The following TTN variants were observed in gnomAD, a reference collection of about 807,000 sequenced individuals.
The protein encoded by TTN is connectin.
TTN carries 1,525 observed loss-of-function variants against 3,223.0 expected under a neutral mutation model. The observed-to-expected ratio is 0.47, with a 90% CI of 0.45 to 0.49. The LOEUF is 0.49. Among genes scored for constraint, TTN ranks in the 20% least tolerant of loss-of-function variants. The pLI, the probability that TTN is intolerant of heterozygous loss-of-function variation, is 0.00. For missense variants in TTN, 40,786 were observed against 43,424.0 expected (o/e 0.94, Z 5.40); for synonymous variants, 14,094 against 15,161.0 (o/e 0.93, Z 5.17).
At position 178,779,266 on chromosome 2, in the gene TTN, G is replaced by T. The variant is rs878985727; in HGVS notation, c.3926C>A (p.Thr1309Asn). ...NYRILEGMGV[T>N]FHCKMSGYPL... ...ATATCCAGACATCTTGCAATGAAAA[G>T]TGACACCCATCCCCTCAAGAATTCT... Residue 1309 changes from threonine to asparagine, a missense_variant, in exon 23 of 363, where the codon ACT (threonine) becomes AAT (asparagine). Physicochemically the swap from Thr to Asn is moderately conservative, Grantham distance 65 (BLOSUM62 0). Transcript: ENST00000589042. 6.2e-7 allele frequency: 1 copy of T among 1,613,820 alleles called. No homozygotes were observed. Among genetic ancestry groups the T allele is most frequent in the Non-Finnish European group, 8.5e-7 (1 of 1,179,838 alleles).
chr2:178,645,142 C>T (rs907109856), intron 217 of TTN: 1 of 151,996 alleles, frequency 6.6e-6, no homozygotes, highest in Non-Finnish European at 1.5e-5. Flanking sequence ...CGTCACAAGA[C>T]AACTTTTTAT....
rs369081503 is a variant in TTN at position 178,569,066 on chromosome 2, G to T, written c.77066C>A (p.Thr25689Asn). ...NEYGIGLPAQ[T>N]ADPIKVAEVP... ...TTCTGCAACCTTAATTGGATCAGCA[G>T]TCTGGGCAGGAAGGCCAATACCATA... Residue 25689 changes from threonine (T) to asparagine (N), a missense_variant, in exon 326 of 363, where the codon ACT (threonine) becomes AAT (asparagine). Transcript: ENST00000589042. 9.3e-6 allele frequency: 15 copies of T among 1,613,330 alleles called. No homozygotes were observed. Among genetic ancestry groups the T allele is most frequent in the Non-Finnish European group, 1.1e-5 (13 of 1,179,542 alleles).
rs753356474 is a variant in TTN at position 178,770,608 on chromosome 2, G to A, written c.8184C>T (p.Val2728=). The change falls in exon 35 of 363, where the codon GTC becomes GTT. Residue 2728 remains valine (V), a synonymous_variant. Transcript: ENST00000589042. ...CTTTGACATTAGGGTGTGTAAGCTC[G>A]ACAGTGAAAACAGCATCCTGTGTTT... ...VTETQDAVFT[V]ELTHPNVKGV... is the part of the protein sequence containing the mutation. 3.5e-5 allele frequency: 57 copies of A among 1,613,982 alleles called. No homozygotes were observed. In the Admixed American group the frequency reaches 4.5e-4, roughly 13 times the overall value.
At position 178,560,929 on chromosome 2, in the gene TTN, T is replaced by C. The variant is rs72648223; in HGVS notation, c.85203A>G (p.Arg28401=). The part of the protein sequence containing the change: ...WAKDGIEIEE[R]ARTEIISTDN... ...CTGTTGAGATGATTTCTGTTCTTGC[T>C]CTTTCTTCAATTTCTATACCATCCT... Residue 28401 remains arginine (R), a synonymous_variant, in exon 326 of 363, where the codon AGA becomes AGG. Coordinates refer to ENST00000589042, the MANE Select transcript of TTN (RefSeq NM_001267550.2). 3 of 1,613,870 alleles carry C rather than the reference T, an allele frequency of 1.9e-6. No homozygotes were observed. Among genetic ancestry groups the C allele is most frequent in the Non-Finnish European group, 8.5e-7 (1 of 1,179,840 alleles).
rs115150240 is a variant in TTN, at chr2:178,532,201, C to G, written c.104414G>C (p.Arg34805Pro). The change falls in exon 358 of 363, where the codon CGA (arginine) becomes CCA (proline). Residue 34805 changes from arginine to proline, a missense_variant. Arg to Pro is a moderately radical substitution (Grantham distance 103). Transcript: ENST00000589042. ...TGTTATTTCTGTCACTTCTCTTTGTCGCCTTGATTTCTTTCTAGACTTTTC... is the reference window on the plus strand; with the variant it reads ...TGTTATTTCTGTCACTTCTCTTTGTGGCCTTGATTTCTTTCTAGACTTTTC... ...KEEKSRKKSR[R>P]QREVTEITEI... 44 of 1,613,520 alleles carry G rather than the reference C, an allele frequency of 2.7e-5. No individual in the cohort carries two copies. The highest frequency in any genetic ancestry group is 3.6e-5 in the Non-Finnish European group (43 of 1,179,858).
rs759563590 is a variant in TTN at position 178,599,379 on chromosome 2, G to C, written c.56414C>G (p.Ser18805Cys). 6.3e-7 allele frequency: 1 copy of C among 1,595,660 alleles called. No individual in the cohort carries two copies. Among genetic ancestry groups the C allele is most frequent in the Non-Finnish European group, 8.5e-7 (1 of 1,173,316 alleles). The change falls in exon 290 of 363, where the codon TCT becomes TGT. Residue 18805 changes from serine (S) to cysteine (C), a missense_variant. Coordinates refer to ENST00000589042, the MANE Select transcript of TTN (RefSeq NM_001267550.2). Reference sequence around the variant, plus strand: ...ACCATCATCTTTAGGTGGAAACCAAGATAGTGTCATTTGATCTGCTGAAAC... The same window carrying C: ...ACCATCATCTTTAGGTGGAAACCAACATAGTGTCATTTGATCTGCTGAAAC... Reference protein sequence around the residue: ...ESVSADQMTLSWFPPKDDGGS... With the variant: ...ESVSADQMTLCWFPPKDDGGS...
rs1017257183 is a variant in TTN at position 178,634,171 on chromosome 2, T to A, written c.42416-88A>T. 114 of 1,543,298 alleles carry A rather than the reference T, an allele frequency of 7.4e-5. No individual in the cohort carries two copies. The highest frequency in any genetic ancestry group is 9.7e-5 in the Non-Finnish European group (112 of 1,149,858). On this transcript the variant is annotated intron_variant, in intron 230 of 362. Transcript: ENST00000589042. This position sits in a 1 kb window ranked among gnomAD's most constrained non-coding sequence, Gnocchi z 4.6. The stretch of plus-strand genomic sequence containing the variant: ...AATCTGCCTGAGTAAAAGGGACCCA[T>A]TTCACATGGCACTTATTTATTCATC...
chr2:178,712,856 T>C lies in TTN; in HGVS notation c.27169A>G (p.Ser9057Gly), dbSNP rs1472858886. The C allele has an allele frequency of 4.3e-6, 7 of 1,613,800 alleles. No homozygotes were observed. The highest frequency in any genetic ancestry group is 5.9e-6 in the Non-Finnish European group (7 of 1,179,770). ...PFSVSWFKGSSELVPGDRCNV... is the reference protein window; with the variant it reads ...PFSVSWFKGSGELVPGDRCNV... ...CATCTGTCACCTGGTACTAGTTCAC[T>C]GCTACCTTTGAACCAGCTAACACTG... The change falls in exon 94 of 363, where the codon AGT becomes GGT. Residue 9057 changes from serine (S) to glycine (G), a missense_variant. Ser to Gly is a moderately conservative substitution (Grantham distance 56). Transcript: ENST00000589042.
intron 113 of TTN, 120 bp from the exon 114 acceptor site, chr2:178,696,389 T>G (rs910601720): frequency 2.6e-5 from 23 of 894,178 alleles, no homozygotes; most frequent in Non-Finnish European, 3.1e-5. Flanking sequence ...GATAATTTGT[T>G]TTTTTTTTTT....
intron 206 of TTN, 24 bp downstream of exon 206, chr2:178,651,642 G>A (rs1204259795): frequency 1.9e-6 from 3 of 1,612,608 alleles, no homozygotes; most frequent in South Asian, 1.1e-5. Flanking sequence ...TTTTTGTTAG[G>A]GAGTTAGTGG....
chr2:178,783,021 A>C lies in TTN; in HGVS notation c.2885T>G (p.Leu962Trp). The C allele has an allele frequency of 6.2e-7, 1 of 1,614,136 alleles. No homozygotes were observed. ...VTVIEGESVT[L>W]ECHISGYPSP... ...TGGGTATCCAGAGATGTGGCACTCC[A>C]AGGTGACAGATTCACCTTCTATGAC... The change falls in exon 18 of 363, where the codon TTG (leucine) becomes TGG (tryptophan). Residue 962 changes from leucine (L) to tryptophan (W), a missense_variant. By Grantham distance (61) the Leu-to-Trp change is moderately conservative. Coordinates refer to ENST00000589042, the MANE Select transcript of TTN (RefSeq NM_001267550.2).
Position 178,532,325 on chromosome 2 carries a change from T to C in TTN, c.104290A>G (p.Ile34764Val), listed in dbSNP as rs373422596. 2.5e-6 allele frequency: 4 copies of C among 1,613,904 alleles called. No homozygotes were observed. The African/African-American group carries it at 5.3e-5, about 22-fold the overall frequency. The part of the protein sequence containing the change: ...AYRQPKQRQR[I>V]MAEREDEELL... Reference sequence around the variant, plus strand: ...TCTTCATCCTCCCTCTCAGCCATGATTCTTTGCCGTTGCTTTGGCTGTCTG... The same window carrying C: ...TCTTCATCCTCCCTCTCAGCCATGACTCTTTGCCGTTGCTTTGGCTGTCTG... The change falls in exon 358 of 363, where the codon ATC becomes GTC. Residue 34764 changes from isoleucine (I) to valine (V), a missense_variant. Physicochemically the swap from Ile to Val is conservative, Grantham distance 29. Coordinates refer to ENST00000589042, the MANE Select transcript of TTN (RefSeq NM_001267550.2).
At chr2:178,694,928 T>C (rs556170248) in intron 115 of TTN, 22 bp from the exon 116 acceptor site, 3 of 1,498,232 alleles carry the variant, frequency 2.0e-6, no homozygotes, top group African/African-American at 2.8e-5. Context: ...TTAGAGAAAT[T>C]GCAGTACTTT....
Position 178,565,190 on chromosome 2 carries a change from C to T in TTN, c.80942G>A (p.Arg26981Gln), listed in dbSNP as rs768308408. The T allele has an allele frequency of 9.5e-5, 153 of 1,613,370 alleles. No homozygotes were observed. The highest frequency in any genetic ancestry group is 2.1e-4 in the South Asian group (19 of 91,036). Residue 26981 changes from arginine (R) to glutamine (Q), a missense_variant, in exon 326 of 363, where the codon CGG becomes CAG. Transcript: ENST00000589042. Reference protein sequence around the residue: ...EKPGPPVGPVRFDEVSADFVV... With the variant: ...EKPGPPVGPVQFDEVSADFVV... ...AAAGTCTGCACTAACTTCATCAAAC[C>T]GAACTGGGCCAACTGGAGGTCCAGG...
rs557060548 is a variant in TTN, at chr2:178,534,775, T to G, written c.101840A>C (p.Tyr33947Ser). 2 of 1,613,302 alleles carry G rather than the reference T, an allele frequency of 1.2e-6. No homozygotes were observed. Among genetic ancestry groups the G allele is most frequent in the Non-Finnish European group, 8.5e-7 (1 of 1,179,790 alleles). Reference protein sequence around the residue: ...HFDIRPENIIYQTRRSSTIKI... With the variant: ...HFDIRPENIISQTRRSSTIKI... ...AATGGTAGAGCTTCTTCTGGTTTGG[T>G]AAATGATATTTTCTGGTCTAATGTC... The change falls in exon 358 of 363, where the codon TAC (tyrosine) becomes TCC (serine). Residue 33947 changes from tyrosine to serine, a missense_variant. Tyr to Ser is a moderately radical substitution (Grantham distance 144). Transcript: ENST00000589042.
rs56027402 is a variant in TTN, at chr2:178,542,910, G to A, written c.96944C>T (p.Thr32315Ile). Residue 32315 changes from threonine to isoleucine, a missense_variant, in exon 348 of 363, where the codon ACC becomes ATC. By Grantham distance (89) the Thr-to-Ile change is moderately conservative (BLOSUM62 -1). Transcript: ENST00000589042. The part of the protein sequence containing the change: ...TIDLSTMPQK[T>I]IHVPAGRPVE... ...TGGTCTGCCAGCTGGGACATGGATG[G>A]TCTTCTGAGGCATTGTAGAAAGATC... 3.4e-3 allele frequency: 5,493 copies of A among 1,612,002 alleles called. 178 individuals carry two copies. The African/African-American group carries it at 0.065, about 19-fold the overall frequency.
chr2:178,718,230 C>A lies in TTN; in HGVS notation c.24785-9G>T, dbSNP rs774804285. On this transcript the variant is annotated splice_polypyrimidine_tract_variant and intron_variant, in intron 85 of 362. Coordinates refer to ENST00000589042, the MANE Select transcript of TTN (RefSeq NM_001267550.2). ...AATAAAGTACGGTGGTTCTATGGTA[C>A]AAAGGATGGTAGTCAGCAAGTCAGT... 1 of 1,594,760 alleles carries A rather than the reference C, an allele frequency of 6.3e-7. No homozygotes were observed. The highest frequency in any genetic ancestry group is 1.1e-5 in the South Asian group (1 of 88,952).
chr2:178,680,358 T>G (rs369977500), intron 138 of TTN, 27 bp from the exon 139 acceptor site: 40 of 1,596,348 alleles, frequency 2.5e-5, no homozygotes, highest in Non-Finnish European at 3.2e-5. Context: ...TAAGGAAATT[T>G]TATTGTCAGT....
Position 178,553,402 on chromosome 2 carries a change from G to T in TTN, c.89504-6C>A. On this transcript the variant is annotated splice_polypyrimidine_tract_variant and splice_region_variant and intron_variant, in intron 334 of 362. Transcript: ENST00000589042. The stretch of plus-strand genomic sequence containing the variant: ...CAGGTCAATCTCTGGTGCCTCTGTA[G>T]ACATAAAATGGATACATACAGTGAA... 6.3e-7 allele frequency: 1 copy of T among 1,584,526 alleles called. No homozygotes were observed.
Sources: allele counts gnomAD v4.1 joint callset, GRCh38; gene constraint gnomAD v4.1.1; non-coding constraint Gnocchi (gnomAD v3.1); transcripts MANE v1.5; gene names NCBI Gene and HGNC (gene_info 2026-07-23, HGNC 2026-07-21).